PTK7: variants seen among roughly 807,000 people sequenced by gnomAD.
PTK7 encodes the protein inactive tyrosine-protein kinase 7.
A neutral mutation model predicts 116.6 loss-of-function variants in PTK7; 39 were observed. That is an observed-to-expected ratio of 0.33 (90% confidence interval 0.26 to 0.44). The LOEUF (loss-of-function observed/expected upper bound fraction) is 0.44, where lower values mean the gene tolerates loss of function less well. PTK7 is among the 20% of genes least tolerant of loss of function. The pLI, the probability that PTK7 is intolerant of heterozygous loss-of-function variation, is 1.00. For synonymous variants in PTK7, 546 were observed against 563.6 expected (o/e 0.97, Z 0.44); for missense variants, 1,169 against 1,425.6 (o/e 0.82, Z 2.90).
At chr6:43,140,436 G>A (rs1211878371) in intron 10 of PTK7, among the ~76,000 whole-genome samples, 3 of 146,968 alleles carry the variant, frequency 2.0e-5, no homozygotes, top group Admixed American at 1.4e-4. Flanking sequence ...CTGGGTGGCA[G>A]AGCGAGACTC....
At chr6:43,146,506 G>C in intron 16 of PTK7, 112 bp from the exon 17 acceptor site, 1 of 956,460 alleles carries the variant, frequency 1.0e-6, no homozygotes, top group Middle Eastern at 2.5e-4. Context: ...GGCTAGCTTA[G>C]GCCTTCTCAC....
At chr6:43,093,748 C>A (rs922090117) in intron 1 of PTK7, among the ~76,000 whole-genome samples, 3 of 152,036 alleles carry the variant, frequency 2.0e-5, no homozygotes, top group African/African-American at 7.2e-5. Flanking sequence ...TTGGACAAAA[C>A]CCCCAGCAAA....
At position 43,139,193 on chromosome 6, in the gene PTK7, T is replaced by C. The variant is rs1267476777; in HGVS notation, c.1420T>C (p.Tyr474His). The change falls in exon 9 of 20, where the codon TAT becomes CAT. Residue 474 changes from tyrosine to histidine, a missense_variant. By Grantham distance (83) the Tyr-to-His change is moderately conservative. Coordinates refer to ENST00000230419, the MANE Select transcript of PTK7 (RefSeq NM_002821.5). The surrounding 1 kb of genome is among the most constrained non-coding windows in gnomAD (Gnocchi z 4.6). ...CTTGCGCATCAACAGCGTGGAGGTGTATGATGGGACATGGTACCGTTGTAT... is the reference window on the plus strand; with the variant it reads ...CTTGCGCATCAACAGCGTGGAGGTGCATGATGGGACATGGTACCGTTGTAT... ...GTLRINSVEV[Y>H]DGTWYRCMSS... 1 of 1,614,150 alleles carries C rather than the reference T, an allele frequency of 6.2e-7. No homozygotes were observed. The highest frequency in any genetic ancestry group is 1.1e-5 in the South Asian group (1 of 91,080).
chr6:43,143,652 G>A lies in PTK7; in HGVS notation c.2251+32G>A, dbSNP rs141915667. The A allele has an allele frequency of 2.2e-3, 3,525 of 1,594,370 alleles. 3 individuals carry two copies. The highest frequency in any genetic ancestry group is 2.6e-3 in the Non-Finnish European group (3,097 of 1,171,964). On this transcript the variant is annotated intron_variant, in intron 14 of 19. Transcript: ENST00000230419. The surrounding 1 kb of genome is among the most constrained non-coding windows in gnomAD (Gnocchi z 4.2). Reference sequence around the variant, plus strand: ...GGCCCTGGACGGGGAGGTGGTGCCCGTGTGCGGGAGCTGAGCGCCCTCCCG... The same window carrying A: ...GGCCCTGGACGGGGAGGTGGTGCCCATGTGCGGGAGCTGAGCGCCCTCCCG...
intron 17 of PTK7, among the ~76,000 whole-genome samples, chr6:43,149,909 TC>T (rs1360164941): frequency 6.6e-6 from 1 of 152,124 alleles, no homozygotes; most frequent in Non-Finnish European, 1.5e-5. Context: ...GGCAGGGTGT[TC>T]CCTGGCCAGC....
At position 43,142,285 on chromosome 6, in the gene PTK7, C is replaced by T; in HGVS notation, c.2033C>T (p.Pro678Leu). 2 of 1,614,148 alleles carry T rather than the reference C, an allele frequency of 1.2e-6. No homozygotes were observed. Among genetic ancestry groups the T allele is most frequent in the East Asian group, 2.2e-5 (1 of 44,880 alleles). The part of the protein sequence containing the change: ...NSCNIKHTEA[P>L]LYVVDKPVPE... Reference sequence around the variant, plus strand: ...TGCAACATCAAGCACACGGAGGCCCCCCTCTATGTCGTGGGTATGGGCTGG... The same window carrying T: ...TGCAACATCAAGCACACGGAGGCCCTCCTCTATGTCGTGGGTATGGGCTGG... Residue 678 changes from proline to leucine, a missense_variant, in exon 13 of 20, where the codon CCC becomes CTC. Coordinates refer to ENST00000230419, the MANE Select transcript of PTK7 (RefSeq NM_002821.5).
intron 7 of PTK7, among the ~76,000 whole-genome samples, chr6:43,134,548 G>A (rs186278583): frequency 3.9e-5 from 6 of 152,106 alleles, no homozygotes; most frequent in East Asian, 1.9e-4. Flanking sequence ...TTGGGAGGCC[G>A]AGGTGGGTGG....
At position 43,132,084 on chromosome 6, in the gene PTK7, G is replaced by A. The variant is rs748100799; in HGVS notation, c.881G>A (p.Arg294His). The A allele has an allele frequency of 1.6e-5, 26 of 1,613,982 alleles. No individual in the cohort carries two copies. In the Admixed American group the frequency reaches 2.0e-4, roughly 12 times the overall value. The change falls in exon 6 of 20, where the codon CGC becomes CAC. Residue 294 changes from arginine to histidine, a missense_variant. Coordinates refer to ENST00000230419, the MANE Select transcript of PTK7 (RefSeq NM_002821.5). ...GSLLLTQVRPRNAGIYRCIGQ... is the reference protein window; with the variant it reads ...GSLLLTQVRPHNAGIYRCIGQ... ...CTGCTGCTGACCCAGGTCCGGCCAC[G>A]CAATGCAGGGATCTACCGCTGCATT...
At chr6:43,082,082 T>C (rs1192568557) in intron 1 of PTK7, among the ~76,000 whole-genome samples, 2 of 152,198 alleles carry the variant, frequency 1.3e-5, no homozygotes, top group Non-Finnish European at 2.9e-5. Flanking sequence ...GGTAGGGGCC[T>C]AGAGTATCTA....
chr6:43,155,295 C>T (rs1457289290), intron 17 of PTK7, among the ~76,000 whole-genome samples: 1 of 152,068 alleles, frequency 6.6e-6, no homozygotes, highest in African/African-American at 2.4e-5. Flanking sequence ...GTAGCTGGGA[C>T]TACAGGTGCC....
chr6:43,157,661 G>A (rs1008729161), intron 17 of PTK7, among the ~76,000 whole-genome samples: 19 of 151,890 alleles, frequency 1.3e-4, no homozygotes, highest in African/African-American at 3.9e-4. Context: ...CAGGAGGATC[G>A]CTTGAGGTTA....
rs55921533 is a variant in PTK7, at chr6:43,159,839, C to A, written c.2925C>A (p.Pro975=). The A allele has an allele frequency of 1.2e-6, 2 of 1,614,118 alleles. No homozygotes were observed. Among genetic ancestry groups the A allele is most frequent in the African/African-American group, 2.7e-5 (2 of 74,948 alleles). The change falls in exon 19 of 20, where the codon CCC becomes CCA. Residue 975 remains proline, a synonymous_variant. Coordinates refer to ENST00000230419, the MANE Select transcript of PTK7 (RefSeq NM_002821.5). ...GGGTGCCGCTGCGCTGGATGTCCCC[C>A]GAGGCCATCCTGGAGGGTGACTTCT... is the stretch of plus-strand genomic sequence containing the variant. ...QAWVPLRWMS[P]EAILEGDFST... is the part of the protein sequence containing the mutation.
intron 1 of PTK7, among the ~76,000 whole-genome samples, chr6:43,084,325 T>C (rs1165559917): frequency 2.0e-5 from 3 of 152,200 alleles, no homozygotes. Context: ...TTATTTTTAA[T>C]AGAGGCGAGG....
Position 43,138,964 on chromosome 6 carries a change from C to T in PTK7, c.1344C>T (p.Asn448=), listed in dbSNP as rs1770215634. The T allele has an allele frequency of 1.2e-5, 20 of 1,613,896 alleles. No homozygotes were observed. Among genetic ancestry groups the T allele is most frequent in the East Asian group, 2.2e-5 (1 of 44,896 alleles). The change falls in exon 8 of 20, where the codon AAC becomes AAT. Residue 448 remains asparagine (N), a synonymous_variant. Transcript: ENST00000230419. ...TPKPTVVWYR[N]QMLISEDSRF... is the part of the protein sequence containing the mutation. ...AACCTACAGTTGTCTGGTACAGAAA[C>T]CAGATGCTCATCTCAGAGGTGAGAA...
chr6:43,100,445 C>CT (rs5875824), intron 1 of PTK7, among the ~76,000 whole-genome samples: 67,138 of 148,404 alleles, frequency 0.45, 15,808 homozygotes, highest in African/African-American at 0.61. Context: ...CTACTTGTAA[C>CT]TTTTTTTTTA....
chr6:43,125,948 G>A (rs374378248), intron 1 of PTK7, among the ~76,000 whole-genome samples: 4 of 152,106 alleles, frequency 2.6e-5, no homozygotes, highest in South Asian at 4.1e-4. Flanking sequence ...GCGAGGAAGT[G>A]GGGGCTTGTC....
At chr6:43,122,465 C>T (rs995406150) in intron 1 of PTK7, among the ~76,000 whole-genome samples, 2 of 152,196 alleles carry the variant, frequency 1.3e-5, no homozygotes, top group African/African-American at 4.8e-5. Flanking sequence ...TGTCTCCCTA[C>T]ACTGGGAAGC....
chr6:43,157,345 TA>T (rs1561990132), intron 17 of PTK7, among the ~76,000 whole-genome samples: 4,077 of 31,056 alleles, frequency 0.13, 704 homozygotes, highest in Non-Finnish European at 0.16. Flanking sequence ...TATATATATA[TA>T]TATATATATA....
chr6:43,127,609 G>A (rs1161337762), intron 1 of PTK7, among the ~76,000 whole-genome samples: 1 of 152,200 alleles, frequency 6.6e-6, no homozygotes, highest in African/African-American at 2.4e-5. Context: ...GCTGACCTTG[G>A]CCACAGATGG....
Sources: allele counts gnomAD v4.1 joint callset (sites outside exome capture counted in the v4.1 genomes callset), GRCh38; gene constraint gnomAD v4.1.1; non-coding constraint Gnocchi (gnomAD v3.1); transcripts MANE v1.5; gene names NCBI Gene and HGNC (gene_info 2026-07-23, HGNC 2026-07-21).